MACROD1: variants seen among roughly 807,000 people sequenced by gnomAD.
The protein encoded by MACROD1 is ADP-ribose glycohydrolase MACROD1.
In MACROD1, 31 loss-of-function variants were observed where a neutral mutation model predicts 41.4. The observed-to-expected ratio is 0.75, with a 90% CI of 0.56 to 1.01. MACROD1 has a LOEUF of 1.01. Ranked by LOEUF, MACROD1 falls within the 50% of genes least tolerant of loss-of-function variation. The pLI is 0.00. For missense variants in MACROD1, 473 were observed against 460.0 expected, an observed-to-expected ratio of 1.03 and a Z score of -0.26; for synonymous variants, 252 against 203.4, an observed-to-expected ratio of 1.24 and a Z score of -2.03.
intron 3 of MACROD1, among the ~76,000 whole-genome samples, chr11:64,137,995 G>A (rs912026714): frequency 6.6e-6 from 1 of 152,248 alleles, no homozygotes; most frequent in African/African-American, 2.4e-5. Flanking sequence ...GGTGACAGCA[G>A]TCACCATTTA....
intron 1 of MACROD1, among the ~76,000 whole-genome samples, chr11:64,155,582 ACACT>A (rs932951164): frequency 1.3e-5 from 2 of 152,254 alleles, no homozygotes; most frequent in African/African-American, 4.8e-5. Flanking sequence ...CACGCCAGAC[ACACT>A]CACTCCTTCC....
chr11:64,006,320 C>T (rs1942913182), intron 4 of MACROD1, among the ~76,000 whole-genome samples: 1 of 152,224 alleles, frequency 6.6e-6, no homozygotes, highest in Non-Finnish European at 1.5e-5. Context: ...CTCACACCCT[C>T]CTGGTCGGCC....
chr11:64,101,133 C>G (rs943804984), intron 3 of MACROD1, among the ~76,000 whole-genome samples: 1 of 151,942 alleles, frequency 6.6e-6, no homozygotes, highest in Non-Finnish European at 1.5e-5. Flanking sequence ...AGAGGGTGGC[C>G]CATTGCAGGG....
chr11:64,042,614 G>A (rs1943509637), intron 3 of MACROD1, among the ~76,000 whole-genome samples: 1 of 152,086 alleles, frequency 6.6e-6, no homozygotes, highest in African/African-American at 2.4e-5. Context: ...GGGGGTCTTG[G>A]AAGCCCTTCC....
chr11:64,030,486 C>T (rs555103244), intron 3 of MACROD1, among the ~76,000 whole-genome samples: 11 of 152,106 alleles, frequency 7.2e-5, no homozygotes, highest in Admixed American at 3.3e-4. Flanking sequence ...CTCAAGGTGC[C>T]GACAGTCTGG....
intron 4 of MACROD1, among the ~76,000 whole-genome samples, chr11:64,010,857 G>C (rs1193837896): frequency 6.9e-6 from 1 of 144,916 alleles, no homozygotes; most frequent in Non-Finnish European, 1.5e-5. Context: ...CTGGAGTGTT[G>C]GTTGGGGTGT....
At chr11:64,162,910 G>A (rs888553276) in intron 1 of MACROD1, among the ~76,000 whole-genome samples, 4 of 152,084 alleles carry the variant, frequency 2.6e-5, no homozygotes, top group African/African-American at 4.8e-5. Flanking sequence ...CACGAGGTCC[G>A]GAGATCAAGA....
intron 3 of MACROD1, among the ~76,000 whole-genome samples, chr11:64,107,099 G>A (rs1251717073): frequency 6.6e-6 from 1 of 152,008 alleles, no homozygotes; most frequent in Non-Finnish European, 1.5e-5. Flanking sequence ...GACCAGGCTG[G>A]TTTTGAACTC....
In MACROD1 at chr11:63,998,588, G is replaced by T; in HGVS notation, c.*130C>A. 7.9e-7 allele frequency: 1 copy of T among 1,257,878 alleles called. No homozygotes were observed. Among genetic ancestry groups the T allele is most frequent in the Non-Finnish European group, 1.0e-6 (1 of 997,688 alleles). 77.9% of individuals were successfully genotyped at this position (1,257,878 alleles called of 1,614,324 possible). A position where few individuals can be genotyped will look rare whatever the true frequency, so the allele number is the denominator to read the frequency against. On this transcript the variant is annotated 3_prime_UTR_variant, in exon 11 of 11. Coordinates refer to ENST00000255681, the MANE Select transcript of MACROD1 (RefSeq NM_014067.4). Reference sequence around the variant, plus strand: ...CAACGAGATCTTTATTAGGCTCCTCGGGGGCGGGGCGCGGAGGGAAAGAAG... The same window carrying T: ...CAACGAGATCTTTATTAGGCTCCTCTGGGGCGGGGCGCGGAGGGAAAGAAG...
At position 64,166,102 on chromosome 11, in the gene MACROD1, G is replaced by T. The variant is rs893496164; in HGVS notation, c.-108C>A. The T allele has an allele frequency of 1.0e-5, 12 of 1,182,236 alleles. No homozygotes were observed. In the African/African-American group the frequency reaches 1.9e-4, roughly 19 times the overall value. The allele number at this position is 1,182,236 out of a possible 1,614,324, so 73.2% of individuals were successfully genotyped here. A position where few individuals can be genotyped will look rare whatever the true frequency, so the allele number is the denominator to read the frequency against. On this transcript the variant is annotated 5_prime_UTR_variant, in exon 1 of 11. Transcript: ENST00000255681. Reference sequence around the variant, plus strand: ...GACCGGGTGGCGACTGCCAGCCAGCGGCGACCTGCTCGGAGCCAGCGGGAG... The same window carrying T: ...GACCGGGTGGCGACTGCCAGCCAGCTGCGACCTGCTCGGAGCCAGCGGGAG...
At chr11:64,003,143 G>T (rs1942853936) in intron 4 of MACROD1, among the ~76,000 whole-genome samples, 1 of 152,110 alleles carries the variant, frequency 6.6e-6, no homozygotes, top group East Asian at 1.9e-4. Context: ...CCAGAAGATG[G>T]CCCCTAAGGC....
intron 1 of MACROD1, among the ~76,000 whole-genome samples, chr11:64,158,273 A>C: frequency 6.6e-6 from 1 of 152,168 alleles, no homozygotes; most frequent in East Asian, 1.9e-4. Context: ...AGCCTACAAG[A>C]GCCCAGTGTC....
chr11:64,158,135 C>A (rs1431049147), intron 1 of MACROD1, among the ~76,000 whole-genome samples: 1 of 152,340 alleles, frequency 6.6e-6, no homozygotes, highest in Non-Finnish European at 1.5e-5. Flanking sequence ...TGAAATCCCA[C>A]GGGGGCTGAA....
At chr11:64,160,406 G>A (rs946204723) in intron 1 of MACROD1, among the ~76,000 whole-genome samples, 3 of 152,164 alleles carry the variant, frequency 2.0e-5, no homozygotes, top group Non-Finnish European at 4.4e-5. Context: ...TTTGGTTACT[G>A]TGTGCCAGGC....
chr11:64,077,079 C>T (rs1204172296), intron 3 of MACROD1, among the ~76,000 whole-genome samples: 1 of 152,068 alleles, frequency 6.6e-6, no homozygotes, highest in Non-Finnish European at 1.5e-5. Flanking sequence ...AGACCCCAGA[C>T]CCCACAGGCC....
At chr11:64,009,828 A>G (rs1942972377) in intron 4 of MACROD1, among the ~76,000 whole-genome samples, 1 of 152,006 alleles carries the variant, frequency 6.6e-6, no homozygotes, top group Non-Finnish European at 1.5e-5. Flanking sequence ...ATCACCGCAC[A>G]TTTGCCGTAA....
intron 3 of MACROD1, among the ~76,000 whole-genome samples, chr11:64,104,351 C>T (rs565442737): frequency 6.6e-6 from 1 of 152,272 alleles, no homozygotes; most frequent in African/African-American, 2.4e-5. Flanking sequence ...CACCCACTCA[C>T]GCAGTTCATG....
At chr11:64,137,736 G>A (rs1191411161) in intron 3 of MACROD1, among the ~76,000 whole-genome samples, 6 of 152,182 alleles carry the variant, frequency 3.9e-5, no homozygotes, top group African/African-American at 1.4e-4. Context: ...GCAGAGAGCA[G>A]GCCGTGACCA....
chr11:64,096,245 G>A lies in MACROD1; in HGVS notation c.517+54994C>T, dbSNP rs563970599. Among the ~76,000 whole-genome samples, 16 of 152,306 alleles carry A rather than the reference G, an allele frequency of 1.1e-4. No individual in the cohort carries two copies. In the South Asian group the frequency reaches 2.5e-3, roughly 24 times the overall value. On this transcript the variant is annotated intron_variant, in intron 3 of 10. Coordinates refer to ENST00000255681, the MANE Select transcript of MACROD1 (RefSeq NM_014067.4). The surrounding 1 kb of genome is among the most constrained non-coding windows in gnomAD (Gnocchi z 4.6). Reference sequence around the variant, plus strand: ...GGGGTCGAACAGCCACTGTTCTGCCGACAAAAGCAGGCCAATTTCCTGAAA... The same window carrying A: ...GGGGTCGAACAGCCACTGTTCTGCCAACAAAAGCAGGCCAATTTCCTGAAA...
Sources: gnomAD v4.1 joint callset for allele counts (sites outside exome capture counted in the v4.1 genomes callset) on GRCh38, gnomAD v4.1.1 for gene constraint, Gnocchi (gnomAD v3.1) non-coding constraint, MANE v1.5 for transcripts, NCBI Gene and HGNC (gene_info 2026-07-23, HGNC 2026-07-21) for gene names.